The following PARD3B variants were observed in gnomAD, a reference collection of about 807,000 sequenced individuals.
The protein encoded by PARD3B is par-3 family cell polarity regulator beta.
Under a neutral mutation model 130.2 loss-of-function variants are expected in PARD3B, and 103 were observed. The observed-to-expected ratio is 0.79, with a 90% CI of 0.67 to 0.93. The LOEUF is 0.93. PARD3B is among the 40% of genes least tolerant of loss of function. PARD3B has a pLI of 0.00. For missense variants in PARD3B, 1,609 were observed against 1,499.2 expected (o/e 1.07, Z -1.21); for synonymous variants, 583 against 553.2 (o/e 1.05, Z -0.76).
intron 18 of PARD3B, among the ~76,000 whole-genome samples, chr2:205,313,681 G>A (rs2105941399): frequency 6.6e-6 from 1 of 152,262 alleles, no homozygotes; most frequent in Middle Eastern, 3.4e-3. Flanking sequence ...ACGTTAATGT[G>A]AATTACAAAG....
rs2041529410 is a variant in PARD3B at position 205,289,671 on chromosome 2, A to T, written c.2186-10859A>T. Among the ~76,000 whole-genome samples, 4 of 152,168 alleles carry T rather than the reference A, an allele frequency of 2.6e-5. No individual in the cohort carries two copies. In the South Asian group the frequency reaches 8.3e-4, roughly 32 times the overall value. ...AGATAGGTGGGACCTTTGGGAGATGACTGAGTCATGAGGCCTCTGCCACCA... is the reference window on the plus strand; with the variant it reads ...AGATAGGTGGGACCTTTGGGAGATGTCTGAGTCATGAGGCCTCTGCCACCA... On this transcript the variant is annotated intron_variant, in intron 16 of 22. Coordinates refer to ENST00000406610, the MANE Select transcript of PARD3B (RefSeq NM_001302769.2).
At chr2:204,552,861 G>T in intron 1 of PARD3B, among the ~76,000 whole-genome samples, 1 of 152,068 alleles carries the variant, frequency 6.6e-6, no homozygotes, top group Admixed American at 6.5e-5. Flanking sequence ...TGGTCTATGG[G>T]CCTATTTTTA....
At chr2:204,752,149 TCA>T (rs1207459840) in intron 2 of PARD3B, among the ~76,000 whole-genome samples, 1 of 152,200 alleles carries the variant, frequency 6.6e-6, no homozygotes, top group Non-Finnish European at 1.5e-5. Context: ...GGAAATGTGC[TCA>T]TTTTATATAT....
At chr2:205,025,394 AGTGCCCTTTGGTT>A (rs1407527507) in intron 3 of PARD3B, among the ~76,000 whole-genome samples, 1 of 152,208 alleles carries the variant, frequency 6.6e-6, no homozygotes, top group Non-Finnish European at 1.5e-5. Context: ...ACACATGCAC[AGTGCCCTTTGGTT>A]GTGCTGAATG....
intron 19 of PARD3B, among the ~76,000 whole-genome samples, chr2:205,417,068 ATCCC>A (rs994598088): frequency 1.5e-5 from 2 of 130,786 alleles, no homozygotes; most frequent in African/African-American, 5.7e-5. Flanking sequence ...TCCTAATGCT[ATCCC>A]TCCCCCCTCC....
intron 2 of PARD3B, among the ~76,000 whole-genome samples, chr2:204,929,260 A>G (rs527401647): frequency 6.6e-6 from 1 of 152,286 alleles, no homozygotes; most frequent in South Asian, 2.1e-4. Context: ...CAGCTATGCT[A>G]GTGTTCACTG....
chr2:205,045,816 C>CAT (rs1311754844), intron 3 of PARD3B, among the ~76,000 whole-genome samples: 1 of 151,594 alleles, frequency 6.6e-6, no homozygotes, highest in Non-Finnish European at 1.5e-5. Context: ...CATATATAAA[C>CAT]ATATATATAT....
At chr2:205,417,382 A>G (rs1050193041) in intron 19 of PARD3B, among the ~76,000 whole-genome samples, 3 of 152,134 alleles carry the variant, frequency 2.0e-5, no homozygotes, top group Admixed American at 1.3e-4. Context: ...TAGTGCCGCA[A>G]TAAACATACG....
Position 205,562,217 on chromosome 2 carries a change from C to T in PARD3B, c.3260+8814C>T, listed in dbSNP as rs998990091. Among the ~76,000 whole-genome samples the T allele has an allele frequency of 3.3e-5, 5 of 152,112 alleles. No individual in the cohort carries two copies. The highest frequency in any genetic ancestry group is 7.4e-5 in the Non-Finnish European group (5 of 68,016). ...ATTTTAATCAAACTTTTCATCATTT[C>T]CTCGTAGCCAATATATCCTTGATGC... On this transcript the variant is annotated intron_variant, in intron 22 of 22. Coordinates refer to ENST00000406610, the MANE Select transcript of PARD3B (RefSeq NM_001302769.2). The surrounding 1 kb of genome is among the most constrained non-coding windows in gnomAD (Gnocchi z 5.4).
intron 18 of PARD3B, among the ~76,000 whole-genome samples, chr2:205,349,511 C>T (rs1574772917): frequency 6.6e-6 from 1 of 152,166 alleles, no homozygotes; most frequent in East Asian, 1.9e-4. Context: ...AAATCCACTT[C>T]CTAGCATGAT....
At chr2:204,692,417 G>A (rs2037397381) in intron 2 of PARD3B, among the ~76,000 whole-genome samples, 1 of 151,902 alleles carries the variant, frequency 6.6e-6, no homozygotes, top group African/African-American at 2.4e-5. Flanking sequence ...GATGAAGTGT[G>A]TAACTTATTC....
At chr2:204,736,761 T>C (rs886801411) in intron 2 of PARD3B, among the ~76,000 whole-genome samples, 2 of 152,208 alleles carry the variant, frequency 1.3e-5, no homozygotes, top group Non-Finnish European at 2.9e-5. Context: ...TGTCTTTTCA[T>C]AGAATGACTT....
At chr2:204,608,502 A>G (rs2033810700) in intron 1 of PARD3B, among the ~76,000 whole-genome samples, 1 of 152,170 alleles carries the variant, frequency 6.6e-6, no homozygotes, top group Admixed American at 6.6e-5. Context: ...ATTGTTCTGA[A>G]TTGGCTGGGT....
chr2:205,095,136 C>G (rs1702323467), intron 4 of PARD3B, among the ~76,000 whole-genome samples: 1 of 152,050 alleles, frequency 6.6e-6, no homozygotes, highest in African/African-American at 2.4e-5. Flanking sequence ...TGCTGTTTTT[C>G]AATATCTTCA....
chr2:204,837,008 C>T (rs2044060279), intron 2 of PARD3B, among the ~76,000 whole-genome samples: 1 of 152,112 alleles, frequency 6.6e-6, no homozygotes, highest in Non-Finnish European at 1.5e-5. Context: ...GAAACAGTAT[C>T]CCTCCTGTTT....
chr2:204,932,752 T>G (rs1304683131), intron 2 of PARD3B, among the ~76,000 whole-genome samples: 4 of 152,150 alleles, frequency 2.6e-5, no homozygotes, highest in Admixed American at 1.3e-4. Flanking sequence ...AAAGGTAGAT[T>G]AAATAAACAG....
At chr2:204,805,005 A>G (rs1297080224) in intron 2 of PARD3B, among the ~76,000 whole-genome samples, 1 of 152,130 alleles carries the variant, frequency 6.6e-6, no homozygotes, top group South Asian at 2.1e-4. Context: ...CCATCTTCAA[A>G]TAAACAACTT....
In PARD3B at chr2:204,677,352, A is replaced by G. The variant is rs2036600403; in HGVS notation, c.121-8829A>G. Among the ~76,000 whole-genome samples the G allele has an allele frequency of 6.6e-6, 1 of 152,198 alleles. No homozygotes were observed. Among genetic ancestry groups the G allele is most frequent in the Non-Finnish European group, 1.5e-5 (1 of 68,036 alleles). ...TGTGGTGTCTCCCTAAGGGATTTTTAGGACTAATTTTAATAAGTAATTTTT... is the reference window on the plus strand; with the variant it reads ...TGTGGTGTCTCCCTAAGGGATTTTTGGGACTAATTTTAATAAGTAATTTTT... On this transcript the variant is annotated intron_variant, in intron 1 of 22. Transcript: ENST00000406610. This position sits in a 1 kb window ranked among gnomAD's most constrained non-coding sequence, Gnocchi z 4.1.
At chr2:205,207,618 A>C (rs2037391824) in intron 15 of PARD3B, among the ~76,000 whole-genome samples, 1 of 144,278 alleles carries the variant, frequency 6.9e-6, no homozygotes, top group Non-Finnish European at 1.5e-5. Context: ...GAAAATCTAG[A>C]AGAAATGGAT....
Sources: gnomAD v4.1 joint callset for allele counts (sites outside exome capture counted in the v4.1 genomes callset) on GRCh38, gnomAD v4.1.1 for gene constraint, Gnocchi (gnomAD v3.1) non-coding constraint, MANE v1.5 for transcripts, NCBI Gene and HGNC (gene_info 2026-07-23, HGNC 2026-07-21) for gene names.